The following NFIB variants were observed in gnomAD, a reference collection of about 807,000 sequenced individuals.
NFIB encodes nuclear factor I B.
NFIB carries 11 observed loss-of-function variants against 61.5 expected under a neutral mutation model. The observed-to-expected ratio is 0.18, with a 90% CI of 0.11 to 0.30. The LOEUF (loss-of-function observed/expected upper bound fraction) is 0.30, where lower values mean the gene tolerates loss of function less well. Among genes scored for constraint, NFIB ranks in the 10% least tolerant of loss-of-function variants. The probability of loss-of-function intolerance (pLI) is 1.00; values close to 1 mark genes in which losing one functional copy is unlikely to be tolerated. For synonymous variants in NFIB, 260 were observed against 216.5 expected (o/e 1.20, Z -1.76); for missense variants, 471 against 608.9 (o/e 0.77, Z 2.38).
intron 3 of NFIB, among the ~76,000 whole-genome samples, chr9:14,172,261 G>T (rs1382528460): frequency 6.6e-6 from 1 of 152,170 alleles, no homozygotes; most frequent in African/African-American, 2.4e-5. Context: ...TTGGTTAAAG[G>T]GGTTTGTCCA....
At chr9:14,379,106 C>A (rs540150003) in intron 1 of NFIB, among the ~76,000 whole-genome samples, 5 of 152,268 alleles carry the variant, frequency 3.3e-5, no homozygotes, top group African/African-American at 1.2e-4. Context: ...AACTTATAAC[C>A]AATCACCTCT....
the NFIB span, among the ~76,000 whole-genome samples, chr9:14,429,309 T>C: frequency 0.4 from 60,906 of 151,958 alleles, 12,619 homozygotes; most frequent in Admixed American, 0.54. Context: ...ACATAATCTC[T>C]CCGGTTTGCT....
At chr9:14,213,330 G>A (rs765059302) in intron 2 of NFIB, among the ~76,000 whole-genome samples, 2 of 152,106 alleles carry the variant, frequency 1.3e-5, no homozygotes, top group Non-Finnish European at 2.9e-5. Context: ...CGGGCCCCCA[G>A]GTTCCTTGTT....
chr9:14,242,183 T>G (rs978003407), intron 2 of NFIB, among the ~76,000 whole-genome samples: 28 of 152,244 alleles, frequency 1.8e-4, no homozygotes, highest in African/African-American at 6.3e-4. Flanking sequence ...TTCAGATGAT[T>G]CTGAATGCAA....
At chr9:14,454,025 C>A in the NFIB span, among the ~76,000 whole-genome samples, 1 of 151,928 alleles carries the variant, frequency 6.6e-6, no homozygotes. Context: ...GCCGAGATCG[C>A]GCCACTGCAC....
chr9:14,286,051 G>T (rs149108705), intron 2 of NFIB, among the ~76,000 whole-genome samples: 1 of 152,118 alleles, frequency 6.6e-6, no homozygotes, highest in African/African-American at 2.4e-5. Flanking sequence ...CCTAGTCACC[G>T]CCCCTTGATG....
At chr9:14,098,476 T>A (rs1165163761) in intron 10 of NFIB, among the ~76,000 whole-genome samples, 1 of 152,244 alleles carries the variant, frequency 6.6e-6, no homozygotes, top group African/African-American at 2.4e-5. Context: ...TATTGATCTT[T>A]CATATCTGAC....
chr9:14,388,832 T>C (rs1246759603), intron 1 of NFIB, among the ~76,000 whole-genome samples: 1 of 152,216 alleles, frequency 6.6e-6, no homozygotes, highest in East Asian at 1.9e-4. Context: ...AGTTTTAAAA[T>C]ACATTTTCAC....
rs921856162 is a variant in NFIB at position 14,113,021 on chromosome 9, G to T, written c.1445C>A (p.Pro482Gln). ...NRYVGLSPRD[P>Q]SFLHQQQSWY... ...CACCTGTTGCTGATGTAGGAAGGAT[G>T]GGTCTCTTGGGCTTAGTCCCACATA... The change falls in exon 10 of 11, where the codon CCA becomes CAA. Residue 482 changes from proline to glutamine, a missense_variant. Transcript: ENST00000380953. 4 of 1,550,222 alleles carry T rather than the reference G, an allele frequency of 2.6e-6. No homozygotes were observed. The African/African-American group carries it at 5.5e-5, about 21-fold the overall frequency.
rs906692110 is a variant in NFIB at position 14,089,049 on chromosome 9, A to G, written c.1468-723T>C. 2.0e-5 allele frequency among the ~76,000 whole-genome samples: 3 copies of G among 152,112 alleles called. No individual in the cohort carries two copies. The East Asian group carries it at 5.8e-4, about 29-fold the overall frequency. On this transcript the variant is annotated intron_variant, in intron 10 of 10. Coordinates refer to ENST00000380953, the MANE Select transcript of NFIB (RefSeq NM_001190737.2). ...GAAAAACATTTACAGGAGGCCACAA[A>G]GGTCTCTGCTTGCACTGATTAGTTC...
the NFIB span, among the ~76,000 whole-genome samples, chr9:14,415,968 C>T: frequency 2.6e-5 from 4 of 152,164 alleles, no homozygotes; most frequent in African/African-American, 9.6e-5. Context: ...TAAATACATA[C>T]AGGATTATTA....
chr9:14,218,624 G>A (rs2051236943), intron 2 of NFIB, among the ~76,000 whole-genome samples: 3 of 152,128 alleles, frequency 2.0e-5, no homozygotes, highest in Admixed American at 2.0e-4. Context: ...GTGTATTTTG[G>A]TATCTGGATT....
At chr9:14,477,491 C>G in the NFIB span, among the ~76,000 whole-genome samples, 1 of 152,076 alleles carries the variant, frequency 6.6e-6, no homozygotes, top group Non-Finnish European at 1.5e-5. Context: ...TCCATTTAAA[C>G]TATCATGCCG....
chr9:14,475,086 G>A, the NFIB span, among the ~76,000 whole-genome samples: 1 of 152,196 alleles, frequency 6.6e-6, no homozygotes, highest in South Asian at 2.1e-4. Flanking sequence ...AGCTATCTGG[G>A]TATCACTTAG....
intron 2 of NFIB, among the ~76,000 whole-genome samples, chr9:14,275,773 A>G (rs2057956183): frequency 6.6e-6 from 1 of 152,100 alleles, no homozygotes; most frequent in Non-Finnish European, 1.5e-5. Flanking sequence ...ATAGATAAAT[A>G]CGGCAGTAAG....
intron 2 of NFIB, chr9:14,204,112 T>C (rs2049358610): frequency 2.5e-6 from 1 of 402,854 alleles, no homozygotes; most frequent in African/African-American, 2.0e-5. Context: ...TGTTTTCTTC[T>C]CATCCTTTAA....
At chr9:14,207,114 C>T (rs1266063656) in intron 2 of NFIB, among the ~76,000 whole-genome samples, 2 of 152,100 alleles carry the variant, frequency 1.3e-5, no homozygotes, top group Non-Finnish European at 2.9e-5. Context: ...TTCGTCCTTG[C>T]GATAACACTA....
At chr9:14,530,255 T>C in the NFIB span, among the ~76,000 whole-genome samples, 2 of 152,280 alleles carry the variant, frequency 1.3e-5, no homozygotes, top group South Asian at 2.1e-4. Flanking sequence ...ACAGCATTTT[T>C]CCCCAAGCAT....
chr9:14,229,348 G>A (rs573700820), intron 2 of NFIB, among the ~76,000 whole-genome samples: 41 of 152,246 alleles, frequency 2.7e-4, no homozygotes, highest in African/African-American at 9.6e-4. Context: ...TGAGTCTAAA[G>A]ACGATGGCCT....
Sources: gnomAD v4.1 joint callset for allele counts (sites outside exome capture counted in the v4.1 genomes callset) on GRCh38, gnomAD v4.1.1 for gene constraint, MANE v1.5 for transcripts, NCBI Gene and HGNC (gene_info 2026-07-23, HGNC 2026-07-21) for gene names.